Variants in GLCCI1 observed in about 807,000 individuals in gnomAD.
GLCCI1 encodes glucocorticoid-induced transcript 1 protein.
Under a neutral mutation model 52.2 loss-of-function variants are expected in GLCCI1, and 24 were observed. The observed-to-expected ratio is 0.46, with a 90% CI of 0.33 to 0.65. The LOEUF is 0.65. GLCCI1 is among the 30% of genes least tolerant of loss of function. The pLI, the probability that GLCCI1 is intolerant of heterozygous loss-of-function variation, is 0.02. For missense variants in GLCCI1, 704 were observed against 701.5 expected (o/e 1.00, Z -0.04); for synonymous variants, 310 against 276.5 (o/e 1.12, Z -1.20).
rs1193615730 is a variant in GLCCI1 at position 7,987,554 on chromosome 7, A to C, written c.458-16354A>C. On this transcript the variant is annotated intron_variant, in intron 1 of 7. Transcript: ENST00000223145. ...ATTTCACTCTAACAAATTGCCTGAC[A>C]TTTTACTACTTAGAGATCCTTTTGA... Among the ~76,000 whole-genome samples, 3 of 152,062 alleles carry C rather than the reference A, an allele frequency of 2.0e-5. No individual in the cohort carries two copies. In the East Asian group the frequency reaches 5.8e-4, roughly 29 times the overall value.
intron 3 of GLCCI1, among the ~76,000 whole-genome samples, chr7:8,030,164 C>T (rs2127951306): frequency 6.6e-6 from 1 of 152,208 alleles, no homozygotes; most frequent in African/African-American, 2.4e-5. Context: ...GCTATAGTAA[C>T]CAAAACAGCA....
intron 2 of GLCCI1, among the ~76,000 whole-genome samples, chr7:8,021,156 T>C (rs1321165200): frequency 6.6e-6 from 1 of 152,222 alleles, no homozygotes; most frequent in Non-Finnish European, 1.5e-5. Flanking sequence ...GTGGTGATTA[T>C]TTTAAAAGTT....
rs188725826 is a variant in GLCCI1 at position 8,054,160 on chromosome 7, G to A, written c.697-1273G>A. Among the ~76,000 whole-genome samples the A allele has an allele frequency of 6.6e-3, 1,001 of 152,154 alleles. 17 individuals are homozygous for A. The highest frequency in any genetic ancestry group is 0.023 in the African/African-American group (943 of 41,542). On this transcript the variant is annotated intron_variant, in intron 3 of 7. Transcript: ENST00000223145. ...TTTTATACCTCTGTCCTGATTAAAT[G>A]AATTGTACAATTTGAAATCCTATTT...
At position 8,060,213 on chromosome 7, in the gene GLCCI1, A is replaced by G. The variant is rs544024418; in HGVS notation, c.931A>G (p.Ile311Val). ...AAGTCCTGAATTAGAAAAGGTATTC[A>G]TTAAAGAAAATAATGGGAAGGAAGA... ...GISPELEKVF[I>V]KENNGKEEVS... Residue 311 changes from isoleucine to valine, a missense_variant, in exon 5 of 8, where the codon ATT (isoleucine) becomes GTT (valine). Physicochemically the swap from Ile to Val is conservative, Grantham distance 29. This residue lies in a region of GLCCI1 where 547 missense variants were observed against 524.8 expected (regional missense o/e 1.04). Transcript: ENST00000223145. 2 of 1,612,074 alleles carry G rather than the reference A, an allele frequency of 1.2e-6. No individual in the cohort carries two copies. Among genetic ancestry groups the G allele is most frequent in the Non-Finnish European group, 1.7e-6 (2 of 1,178,274 alleles).
At chr7:8,061,475 A>T (rs1782514038) in intron 5 of GLCCI1, among the ~76,000 whole-genome samples, 3 of 152,120 alleles carry the variant, frequency 2.0e-5, no homozygotes, top group Admixed American at 2.0e-4. Flanking sequence ...ATTGGCAGTG[A>T]AATTGCTAGG....
chr7:8,012,514 G>T (rs1326967102), intron 2 of GLCCI1, among the ~76,000 whole-genome samples: 1 of 128,998 alleles, frequency 7.8e-6, no homozygotes. Context: ...GTGTGATCTC[G>T]GCTCACTGCA....
intron 5 of GLCCI1, among the ~76,000 whole-genome samples, chr7:8,064,928 G>A (rs145358781): frequency 0.021 from 3,196 of 152,170 alleles, 147 homozygotes; most frequent in East Asian, 0.15. Flanking sequence ...GTGTTGGCCA[G>A]GATGGTCTCG....
At position 7,974,187 on chromosome 7, in the gene GLCCI1, A is replaced by G. The variant is rs1033077421; in HGVS notation, c.457+4380A>G. Among the ~76,000 whole-genome samples, 16 of 152,260 alleles carry G rather than the reference A, an allele frequency of 1.1e-4. 1 individual carries two copies. The South Asian group carries it at 2.9e-3, about 28-fold the overall frequency. On this transcript the variant is annotated intron_variant, in intron 1 of 7. Coordinates refer to ENST00000223145, the MANE Select transcript of GLCCI1 (RefSeq NM_138426.4). ...ATTATTTACAGAACTATTTTTTTCC[A>G]TCAGTTATCTCATGGTGCCTAAAAT...
chr7:8,055,576 A>T, intron 4 of GLCCI1, 27 bp downstream of exon 4: 2 of 1,309,740 alleles, frequency 1.5e-6, no homozygotes, highest in African/African-American at 2.9e-5. Flanking sequence ...TCCAGATTTG[A>T]ATAATTACTT....
chr7:8,082,806 C>G (rs146043740), intron 6 of GLCCI1, among the ~76,000 whole-genome samples: 393 of 152,248 alleles, frequency 2.6e-3, no homozygotes, highest in African/African-American at 8.9e-3. Context: ...GGAAGATAAT[C>G]AGTTTTGCAG....
At chr7:8,048,810 A>G (rs1430182964) in intron 3 of GLCCI1, among the ~76,000 whole-genome samples, 1 of 152,212 alleles carries the variant, frequency 6.6e-6, no homozygotes, top group African/African-American at 2.4e-5. Flanking sequence ...CCCAAGTCCC[A>G]TGGGGAAATG....
intron 1 of GLCCI1, among the ~76,000 whole-genome samples, chr7:8,002,647 A>G (rs577568831): frequency 7.7e-4 from 117 of 152,362 alleles, no homozygotes; most frequent in African/African-American, 2.6e-3. Context: ...ACAGCATTCA[A>G]TAATAAATGT....
At chr7:8,011,625 C>T (rs1698876166) in intron 2 of GLCCI1, among the ~76,000 whole-genome samples, 2 of 152,212 alleles carry the variant, frequency 1.3e-5, no homozygotes, top group African/African-American at 4.8e-5. Flanking sequence ...GGTATCTTTT[C>T]GAGTCTCGGC....
At chr7:8,003,604 G>A (rs1458085417) in intron 1 of GLCCI1, among the ~76,000 whole-genome samples, 1 of 152,168 alleles carries the variant, frequency 6.6e-6, no homozygotes, top group Non-Finnish European at 1.5e-5. Context: ...TGGCAGTTCA[G>A]GTGAGACATG....
intron 6 of GLCCI1, among the ~76,000 whole-genome samples, chr7:8,081,361 A>G (rs77175439): frequency 8.5e-5 from 13 of 152,364 alleles, no homozygotes; most frequent in East Asian, 7.7e-4. Context: ...TTTAGAATCA[A>G]TTTTACTTAA....
At chr7:8,065,456 T>TAA (rs147189955) in intron 5 of GLCCI1, among the ~76,000 whole-genome samples, 5 of 152,152 alleles carry the variant, frequency 3.3e-5, no homozygotes, top group Non-Finnish European at 7.4e-5. Flanking sequence ...ACAGGAGTGG[T>TAA]GAGAGGGCAT....
At chr7:8,062,614 T>A (rs1782544403) in intron 5 of GLCCI1, among the ~76,000 whole-genome samples, 1 of 152,336 alleles carries the variant, frequency 6.6e-6, no homozygotes, top group East Asian at 1.9e-4. Context: ...CTCACCCTAC[T>A]CCCATCTTCT....
intron 1 of GLCCI1, among the ~76,000 whole-genome samples, chr7:8,002,200 T>G (rs1019158165): frequency 6.6e-6 from 1 of 152,138 alleles, no homozygotes; most frequent in African/African-American, 2.4e-5. Flanking sequence ...TAGAACTCAA[T>G]AGTAGTTTAA....
At chr7:8,058,515 CT>C (rs1170735512) in intron 4 of GLCCI1, among the ~76,000 whole-genome samples, 6 of 152,138 alleles carry the variant, frequency 3.9e-5, no homozygotes, top group Non-Finnish European at 7.3e-5. Context: ...AAGTGGCACT[CT>C]GCCTAGGGAT....
Sources: gnomAD v4.1 joint callset for allele counts (sites outside exome capture counted in the v4.1 genomes callset) on GRCh38, gnomAD v4.1.1 for gene constraint, gnomAD v4.1.1 regional missense constraint, MANE v1.5 for transcripts, NCBI Gene and HGNC (gene_info 2026-07-23, HGNC 2026-07-21) for gene names.